ASIC2: variants seen among roughly 807,000 people sequenced by gnomAD.
ASIC2 encodes acid sensing ion channel subunit 2.
ASIC2 carries 25 observed loss-of-function variants against 57.3 expected under a neutral mutation model. That is an observed-to-expected ratio of 0.44 (90% confidence interval 0.32 to 0.61). The LOEUF (loss-of-function observed/expected upper bound fraction) is 0.61. ASIC2 is among the 20% of genes least tolerant of loss of function. The pLI is 0.06. For synonymous variants in ASIC2, 319 were observed against 307.5 expected (o/e 1.04, Z -0.39); for missense variants, 641 against 738.1 (o/e 0.87, Z 1.52).
chr17:33,178,424 T>A (rs925474071), intron 1 of ASIC2, among the ~76,000 whole-genome samples: 6 of 152,172 alleles, frequency 3.9e-5, no homozygotes, highest in African/African-American at 1.4e-4. Context: ...TAATGTAAAG[T>A]CTTGGCTTGT....
chr17:33,334,820 C>A (rs376620486), intron 1 of ASIC2, among the ~76,000 whole-genome samples: 4 of 152,256 alleles, frequency 2.6e-5, no homozygotes, highest in African/African-American at 9.6e-5. Flanking sequence ...TTTTTGCAGG[C>A]AAGCGCAAGA....
rs576390366 is a variant in ASIC2 at position 33,930,837 on chromosome 17, G to T, written c.555+225141C>A. Among the ~76,000 whole-genome samples, 6 of 152,298 alleles carry T rather than the reference G, an allele frequency of 3.9e-5. No homozygotes were observed. In the South Asian group the frequency reaches 1.2e-3, roughly 32 times the overall value. Reference sequence around the variant, plus strand: ...CACAGGTGGTGGAGGGGATGCCAGGGGAGAGCCGGGGCCCAGATTTTACAA... The same window carrying T: ...CACAGGTGGTGGAGGGGATGCCAGGTGAGAGCCGGGGCCCAGATTTTACAA... On this transcript the variant is annotated intron_variant, in intron 1 of 9. Coordinates refer to the ASIC2 transcript ENST00000359872.
intron 1 of ASIC2, among the ~76,000 whole-genome samples, chr17:33,735,299 G>A (rs1909877668): frequency 6.6e-6 from 1 of 152,136 alleles, no homozygotes; most frequent in South Asian, 2.1e-4. Flanking sequence ...ACAGAGTCTG[G>A]CCATGGCAGG....
chr17:33,947,533 A>G (rs1189497969), intron 1 of ASIC2, among the ~76,000 whole-genome samples: 3 of 152,216 alleles, frequency 2.0e-5, no homozygotes, highest in Non-Finnish European at 4.4e-5. Flanking sequence ...TTGAAGGATA[A>G]GTAGGAGTTC....
chr17:33,997,757 C>T lies in ASIC2; in HGVS notation c.555+158221G>A, dbSNP rs976795557. 9.3e-5 allele frequency among the ~76,000 whole-genome samples: 14 copies of T among 151,064 alleles called. No homozygotes were observed. The South Asian group carries it at 2.3e-3, about 25-fold the overall frequency. On this transcript the variant is annotated intron_variant, in intron 1 of 9. Transcript: ENST00000359872. ...CACAGTATATGATCCTTCTGAGGTG[C>T]TGTTGAATTTGGCTTGCTAATTTTT... is the stretch of plus-strand genomic sequence containing the variant.
intron 1 of ASIC2, among the ~76,000 whole-genome samples, chr17:33,403,957 A>C (rs919560051): frequency 5.3e-5 from 8 of 152,230 alleles, no homozygotes; most frequent in African/African-American, 1.4e-4. Context: ...ACTTGTTAAT[A>C]GTGGCTACCG....
intron 1 of ASIC2, among the ~76,000 whole-genome samples, chr17:33,937,119 G>T (rs8070431): frequency 0.3 from 45,213 of 151,984 alleles, 6,827 homozygotes; most frequent in Admixed American, 0.37. Context: ...GCCTCTTTTT[G>T]GAGATGAAGT....
chr17:33,386,962 G>A (rs1025414269), intron 1 of ASIC2, among the ~76,000 whole-genome samples: 2 of 151,174 alleles, frequency 1.3e-5, no homozygotes, highest in Non-Finnish European at 3.0e-5. Context: ...GTGTGTGTCT[G>A]TGTGTGTGTG....
At chr17:33,205,608 C>T (rs1251547293) in intron 1 of ASIC2, among the ~76,000 whole-genome samples, 2 of 152,212 alleles carry the variant, frequency 1.3e-5, no homozygotes, top group African/African-American at 4.8e-5. Flanking sequence ...CCTGAACATA[C>T]TTGGGGAAAC....
intron 1 of ASIC2, among the ~76,000 whole-genome samples, chr17:33,838,882 T>C (rs1467577601): frequency 6.6e-6 from 1 of 152,074 alleles, no homozygotes; most frequent in African/African-American, 2.4e-5. Context: ...GTAGCCAGAG[T>C]TGAAAACTTC....
chr17:33,488,200 G>A (rs1265898658), intron 1 of ASIC2, among the ~76,000 whole-genome samples: 1 of 152,060 alleles, frequency 6.6e-6, no homozygotes, highest in Non-Finnish European at 1.5e-5. Flanking sequence ...TAGAAACGCC[G>A]TCACTCTCCC....
At chr17:33,170,419 G>A (rs1905467487) in intron 1 of ASIC2, among the ~76,000 whole-genome samples, 1 of 152,206 alleles carries the variant, frequency 6.6e-6, no homozygotes, top group Non-Finnish European at 1.5e-5. Flanking sequence ...AGATGTGAGA[G>A]TGGGAGGTCA....
chr17:33,662,652 TA>T (rs1349818650), intron 1 of ASIC2, among the ~76,000 whole-genome samples: 3 of 143,850 alleles, frequency 2.1e-5, no homozygotes, highest in Admixed American at 1.4e-4. Flanking sequence ...AATAAATAAA[TA>T]AATAAATAAA....
chr17:33,896,215 G>T (rs1301065355), intron 1 of ASIC2, among the ~76,000 whole-genome samples: 2 of 152,226 alleles, frequency 1.3e-5, no homozygotes, highest in Non-Finnish European at 2.9e-5. Context: ...GCTCTGCTTA[G>T]CCTGACTTCA....
intron 1 of ASIC2, among the ~76,000 whole-genome samples, chr17:33,158,076 A>G (rs1905058660): frequency 6.6e-6 from 1 of 152,118 alleles, no homozygotes; most frequent in Admixed American, 6.5e-5. Context: ...ATGGAAATGA[A>G]CCCACCAGCA....
chr17:33,967,861 G>C (rs557444604), intron 1 of ASIC2, among the ~76,000 whole-genome samples: 3 of 152,272 alleles, frequency 2.0e-5, no homozygotes, highest in Non-Finnish European at 4.4e-5. Context: ...GTGCTCAGAA[G>C]GCTGTGCTCC....
intron 1 of ASIC2, among the ~76,000 whole-genome samples, chr17:33,281,312 T>C (rs1461283601): frequency 6.6e-6 from 1 of 152,246 alleles, no homozygotes; most frequent in African/African-American, 2.4e-5. Context: ...TCTACTTTTG[T>C]ACGGCCTTAA....
intron 1 of ASIC2, among the ~76,000 whole-genome samples, chr17:33,322,048 C>T (rs1403496683): frequency 6.6e-6 from 1 of 152,144 alleles, no homozygotes; most frequent in East Asian, 1.9e-4. Context: ...GTGTTCCACC[C>T]CTAGAGAGTG....
At chr17:33,256,582 C>T (rs866626582) in intron 1 of ASIC2, among the ~76,000 whole-genome samples, 1 of 152,210 alleles carries the variant, frequency 6.6e-6, no homozygotes, top group Non-Finnish European at 1.5e-5. Flanking sequence ...AGCACTCACA[C>T]CTGTTTTTCC....
Sources: gnomAD v4.1 joint callset for allele counts (sites outside exome capture counted in the v4.1 genomes callset) on GRCh38, gnomAD v4.1.1 for gene constraint, MANE v1.5 for transcripts, NCBI Gene and HGNC (gene_info 2026-07-23, HGNC 2026-07-21) for gene names.